Variants in PTPN3 observed in about 807,000 individuals in gnomAD.
PTPN3 encodes the protein tyrosine-protein phosphatase non-receptor type 3.
In PTPN3, 96 loss-of-function variants were observed where a neutral mutation model predicts 132.7. The ratio of observed to expected loss-of-function variants is 0.72; its 90% confidence interval spans 0.61 to 0.86. PTPN3 has a LOEUF of 0.86. PTPN3 is among the 40% of genes least tolerant of loss of function. The probability of loss-of-function intolerance (pLI) is 0.00; values close to 1 mark genes in which losing one functional copy is unlikely to be tolerated. For missense variants in PTPN3, 1,125 were observed against 1,159.6 expected (o/e 0.97, Z 0.43); for synonymous variants, 398 against 429.0 (o/e 0.93, Z 0.89).
intron 1 of PTPN3, among the ~76,000 whole-genome samples, chr9:109,489,384 G>A (rs1341113631): frequency 6.6e-6 from 1 of 152,306 alleles, no homozygotes; most frequent in East Asian, 1.9e-4. Flanking sequence ...GCCATGCAGA[G>A]GTTAGTTTTG....
chr9:109,470,552 T>C (rs1335413936), intron 1 of PTPN3, among the ~76,000 whole-genome samples: 1 of 151,262 alleles, frequency 6.6e-6, no homozygotes, highest in Non-Finnish European at 1.5e-5. Context: ...AAAAATTAGC[T>C]GCATGTGGTG....
intron 6 of PTPN3, among the ~76,000 whole-genome samples, chr9:109,448,583 T>A (rs17201598): frequency 0.039 from 5,961 of 152,268 alleles, 326 homozygotes; most frequent in East Asian, 0.29. Flanking sequence ...GCTGCATCCT[T>A]TGTAATAAAA....
intron 1 of PTPN3, among the ~76,000 whole-genome samples, chr9:109,496,054 G>A (rs1318189580): frequency 6.6e-6 from 1 of 152,212 alleles, no homozygotes; most frequent in Non-Finnish European, 1.5e-5. Context: ...AATGCCTTCA[G>A]TAACTTGACC....
chr9:109,411,217 A>T (rs1256979727), intron 14 of PTPN3, among the ~76,000 whole-genome samples: 1 of 152,154 alleles, frequency 6.6e-6, no homozygotes, highest in Non-Finnish European at 1.5e-5. Context: ...AACGGAACAG[A>T]ACTTTGTGGT....
At chr9:109,449,393 G>C in intron 5 of PTPN3, 1 of 985,788 alleles carries the variant, frequency 1.0e-6, no homozygotes, top group Non-Finnish European at 1.2e-6. Flanking sequence ...GGAACTGTGG[G>C]TGCATGAGCA....
At chr9:109,424,109 C>T (rs1477353000) in intron 12 of PTPN3, among the ~76,000 whole-genome samples, 1 of 152,118 alleles carries the variant, frequency 6.6e-6, no homozygotes. Flanking sequence ...TGCCCAACTC[C>T]AAGGTTTAAT....
At position 109,493,591 on chromosome 9, in the gene PTPN3, ACT is replaced by A. The variant is rs1159570948; in HGVS notation, c.-18+4626_-18+4627del. Among the ~76,000 whole-genome samples, 3 of 152,090 alleles carry A rather than the reference ACT, an allele frequency of 2.0e-5. No individual in the cohort carries two copies. In the East Asian group the frequency reaches 5.8e-4, roughly 29 times the overall value. On this transcript the variant is annotated intron_variant, in intron 1 of 25. Coordinates refer to ENST00000374541, the MANE Select transcript of PTPN3 (RefSeq NM_002829.4). ...ACCATCAAAATGTTTCAAAAATTCC[ACT>A]CTCTCAGTATCCAAACACTTCTCAG...
intron 14 of PTPN3, among the ~76,000 whole-genome samples, chr9:109,419,560 A>G (rs1842751065): frequency 6.6e-6 from 1 of 152,196 alleles, no homozygotes; most frequent in African/African-American, 2.4e-5. Flanking sequence ...CTACTTAAAA[A>G]AATGATTTGC....
the PTPN3 span, among the ~76,000 whole-genome samples, chr9:109,510,570 AAAAAAAATATATATAT>A: frequency 3.8e-5 from 3 of 78,504 alleles, no homozygotes; most frequent in Non-Finnish European, 7.6e-5. Flanking sequence ...AAAAAAAAAA[AAAAAAAATATATATAT>A]ATATATATAT....
rs1847783239 is a variant in PTPN3 at position 109,498,307 on chromosome 9, T to C, written c.-106A>G. ...CTCGCGGCGCGACCTGGCCGCCGTC[T>C]GAGCATGCCCAGTGCCGCCCGCGGG... is the stretch of plus-strand genomic sequence containing the variant. On this transcript the variant is annotated 5_prime_UTR_variant, in exon 1 of 26. Transcript: ENST00000374541. This position sits in a 1 kb window ranked among gnomAD's most constrained non-coding sequence, Gnocchi z 4.2. 6.8e-6 allele frequency: 1 copy of C among 146,090 alleles called. No homozygotes were observed. The highest frequency in any genetic ancestry group is 2.5e-5 in the African/African-American group (1 of 40,744). The allele number at this position is 146,090 out of a possible 1,614,324, so 9.0% of individuals were successfully genotyped here.
chr9:109,408,507 G>A (rs772411059), intron 16 of PTPN3, 130 bp from the exon 17 acceptor site: 10 of 598,798 alleles, frequency 1.7e-5, no homozygotes, highest in Non-Finnish European at 2.6e-5. Context: ...GGTACAGGGA[G>A]GCTTCAAACT....
At chr9:109,435,616 C>T (rs1387348437) in intron 9 of PTPN3, among the ~76,000 whole-genome samples, 2 of 152,166 alleles carry the variant, frequency 1.3e-5, no homozygotes, top group African/African-American at 4.8e-5. Flanking sequence ...GTATGACCAA[C>T]CCCCTCTGAT....
At chr9:109,417,350 G>A (rs1332516060) in intron 14 of PTPN3, among the ~76,000 whole-genome samples, 1 of 152,078 alleles carries the variant, frequency 6.6e-6, no homozygotes, top group Non-Finnish European at 1.5e-5. Flanking sequence ...TTTTTTAAAC[G>A]AGTACAGAAC....
chr9:109,505,337 T>A, the PTPN3 span, among the ~76,000 whole-genome samples: 1 of 152,220 alleles, frequency 6.6e-6, no homozygotes, highest in Non-Finnish European at 1.5e-5. Flanking sequence ...TAGTGATGTG[T>A]CCATGGTTCA....
chr9:109,408,048 A>G (rs1177995009), intron 17 of PTPN3, among the ~76,000 whole-genome samples: 2 of 152,152 alleles, frequency 1.3e-5, no homozygotes, highest in Non-Finnish European at 2.9e-5. Context: ...ATGCACACTA[A>G]CCACTCAAGG....
rs1380610242 is a variant in PTPN3, at chr9:109,377,273, C to A, written c.*2283G>T. 2 of 152,100 alleles carry A rather than the reference C, an allele frequency of 1.3e-5. No homozygotes were observed. The highest frequency in any genetic ancestry group is 4.8e-5 in the African/African-American group (2 of 41,408). 9.4% of individuals were successfully genotyped at this position (152,100 alleles called of 1,614,324 possible). On this transcript the variant is annotated 3_prime_UTR_variant, in exon 26 of 26. Coordinates refer to ENST00000374541, the MANE Select transcript of PTPN3 (RefSeq NM_002829.4). ...TTTCTATTTTCCTCTCATAAAAACC[C>A]AGTTAGGCTGGGCACAGTGGCTCAC... is the stretch of plus-strand genomic sequence containing the variant.
chr9:109,519,453 G>T, the PTPN3 span, among the ~76,000 whole-genome samples: 1 of 152,170 alleles, frequency 6.6e-6, no homozygotes, highest in Non-Finnish European at 1.5e-5. Flanking sequence ...TGATGGGTTC[G>T]CTGGGATGTA....
chr9:109,425,277 T>C (rs1439530781), intron 12 of PTPN3, among the ~76,000 whole-genome samples: 10 of 152,212 alleles, frequency 6.6e-5, no homozygotes, highest in Non-Finnish European at 1.3e-4. Flanking sequence ...TGATTATCAA[T>C]GTATTAGGAA....
chr9:109,491,333 G>T (rs1847453867), intron 1 of PTPN3, among the ~76,000 whole-genome samples: 1 of 152,104 alleles, frequency 6.6e-6, no homozygotes, highest in Admixed American at 6.6e-5. Flanking sequence ...TATGTAGGGG[G>T]AAAGGAGGCA....
Sources: gnomAD v4.1 joint callset for allele counts (sites outside exome capture counted in the v4.1 genomes callset) on GRCh38, gnomAD v4.1.1 for gene constraint, Gnocchi (gnomAD v3.1) non-coding constraint, MANE v1.5 for transcripts, NCBI Gene and HGNC (gene_info 2026-07-23, HGNC 2026-07-21) for gene names.